Variants in SENP6 observed in about 807,000 individuals in gnomAD.
SENP6 encodes sentrin-specific protease 6.
SENP6 carries 41 observed loss-of-function variants against 134.5 expected under a neutral mutation model. The ratio of observed to expected loss-of-function variants is 0.30; its 90% CI spans 0.24 to 0.40. SENP6 has a LOEUF of 0.40. Among genes scored for constraint, SENP6 ranks in the 10% least tolerant of loss-of-function variants. The pLI is 1.00. For synonymous variants in SENP6, 395 were observed against 429.8 expected (o/e 0.92, Z 1.00); for missense variants, 1,248 against 1,312.5 (o/e 0.95, Z 0.76).
At chr6:75,711,645 A>G (rs1775751580) in intron 21 of SENP6, among the ~76,000 whole-genome samples, 1 of 152,096 alleles carries the variant, frequency 6.6e-6, no homozygotes, top group South Asian at 2.1e-4. Context: ...ACATGTCCAC[A>G]CACAAATGTT....
At chr6:75,695,350 G>A (rs1582880244) in intron 16 of SENP6, among the ~76,000 whole-genome samples, 2 of 152,098 alleles carry the variant, frequency 1.3e-5, no homozygotes, top group Admixed American at 6.6e-5. Context: ...GAAGATAATC[G>A]GATAGTTATC....
Position 75,709,558 on chromosome 6 carries a change from C to A in SENP6, c.2748C>A (p.Ser916Arg), listed in dbSNP as rs547145180. Residue 916 changes from serine (S) to arginine (R), a missense_variant, in exon 20 of 24, where the codon AGC becomes AGA. Coordinates refer to ENST00000447266, the MANE Select transcript of SENP6 (RefSeq NM_015571.4). The stretch of plus-strand genomic sequence containing the variant: ...TAAGCAAAATCAGACTAAACTATAG[C>A]GATGAATCACCTGAAGCTGGTAAAA... ...DGLSKIRLNY[S>R]DESPEAGKML... The A allele has an allele frequency of 1.2e-6, 2 of 1,613,746 alleles. No homozygotes were observed. Among genetic ancestry groups the A allele is most frequent in the East Asian group, 4.5e-5 (2 of 44,854 alleles).
At chr6:75,657,170 C>T (rs150129675) in intron 7 of SENP6, among the ~76,000 whole-genome samples, 1 of 152,070 alleles carries the variant, frequency 6.6e-6, no homozygotes, top group East Asian at 1.9e-4. Flanking sequence ...TTAGTAAGGC[C>T]AAAAAAGCTT....
At chr6:75,674,681 T>C (rs1582830125) in intron 11 of SENP6, among the ~76,000 whole-genome samples, 1 of 152,352 alleles carries the variant, frequency 6.6e-6, no homozygotes, top group East Asian at 1.9e-4. Flanking sequence ...TCCTTTCAGA[T>C]GCAATCTTTA....
chr6:75,657,775 T>C (rs1771459791), intron 7 of SENP6, among the ~76,000 whole-genome samples: 1 of 152,086 alleles, frequency 6.6e-6, no homozygotes, highest in Non-Finnish European at 1.5e-5. Context: ...TAATTGTGCC[T>C]AGAGTGGGGC....
chr6:75,692,826 C>A (rs901417521), intron 16 of SENP6, among the ~76,000 whole-genome samples: 1 of 151,588 alleles, frequency 6.6e-6, no homozygotes, highest in Non-Finnish European at 1.5e-5. Flanking sequence ...GCACTTGGGA[C>A]GCCAAGGCAA....
chr6:75,694,856 G>A (rs1194964346), intron 16 of SENP6, among the ~76,000 whole-genome samples: 1 of 151,962 alleles, frequency 6.6e-6, no homozygotes, highest in Non-Finnish European at 1.5e-5. Context: ...TTTAGAGTGT[G>A]CCCTTGGTTT....
chr6:75,610,329 TCA>T (rs1767348566), intron 1 of SENP6, among the ~76,000 whole-genome samples: 1 of 152,194 alleles, frequency 6.6e-6, no homozygotes, highest in Admixed American at 6.5e-5. Context: ...ATCCACTAAG[TCA>T]CAGACTGTTA....
intron 1 of SENP6, among the ~76,000 whole-genome samples, chr6:75,619,072 CAT>C (rs1289311776): frequency 2.0e-5 from 3 of 148,680 alleles, no homozygotes; most frequent in African/African-American, 7.5e-5. Context: ...ATATACATAA[CAT>C]ATAAGTTACT....
chr6:75,666,059 T>C (rs1229196144), intron 9 of SENP6, among the ~76,000 whole-genome samples: 7 of 141,108 alleles, frequency 5.0e-5, no homozygotes, highest in African/African-American at 1.8e-4. Context: ...ATATGATATA[T>C]AAAACGTATA....
chr6:75,663,604 A>T, intron 9 of SENP6, 86 bp downstream of exon 9: 2 of 948,378 alleles, frequency 2.1e-6, no homozygotes, highest in Non-Finnish European at 3.1e-6. Context: ...CCAACCCCAT[A>T]TATATTTTTA....
chr6:75,609,867 A>G lies in SENP6; in HGVS notation c.52+7291A>G, dbSNP rs953277696. 3.9e-5 allele frequency among the ~76,000 whole-genome samples: 6 copies of G among 152,230 alleles called. No individual in the cohort carries two copies. The East Asian group carries it at 1.2e-3, about 29-fold the overall frequency. On this transcript the variant is annotated intron_variant, in intron 1 of 23. Transcript: ENST00000447266. The stretch of plus-strand genomic sequence containing the variant: ...CCATCTCAGCTCACTGGCTGACTGC[A>G]ACCTCTGCCTTCCAGGTTCAAGCAA...
intron 2 of SENP6, among the ~76,000 whole-genome samples, chr6:75,623,388 C>T (rs968905739): frequency 1.3e-5 from 2 of 151,990 alleles, no homozygotes; most frequent in African/African-American, 4.8e-5. Context: ...GGTGATTTCT[C>T]AATGAAGGGT....
chr6:75,688,500 G>A (rs1402490965), intron 16 of SENP6, among the ~76,000 whole-genome samples: 11 of 152,130 alleles, frequency 7.2e-5, no homozygotes, highest in Non-Finnish European at 1.2e-4. Flanking sequence ...GCTGCAGACC[G>A]GAGCTATTCC....
intron 18 of SENP6, among the ~76,000 whole-genome samples, chr6:75,701,598 A>G (rs1278584953): frequency 2.0e-5 from 3 of 147,840 alleles, no homozygotes; most frequent in African/African-American, 2.5e-5. Context: ...TGAAAAAATC[A>G]TATGACCTAA....
intron 8 of SENP6, among the ~76,000 whole-genome samples, chr6:75,661,689 G>A (rs1771786554): frequency 6.6e-6 from 1 of 152,184 alleles, no homozygotes; most frequent in African/African-American, 2.4e-5. Context: ...TCCTAGACAA[G>A]GTTAGTGGTT....
rs1210762229 is a variant in SENP6, at chr6:75,638,590, GTATATATATATA to G, written c.459-2072_459-2061del. 2.3e-3 allele frequency among the ~76,000 whole-genome samples: 144 copies of G among 61,544 alleles called. 5 individuals are homozygous for G. Among genetic ancestry groups the G allele is most frequent in the Non-Finnish European group, 3.1e-3 (109 of 35,724 alleles). The allele number at this position is 61,544 out of a possible 152,430, so 40.4% of individuals were successfully genotyped here. On this transcript the variant is annotated intron_variant, in intron 5 of 23. Coordinates refer to ENST00000447266, the MANE Select transcript of SENP6 (RefSeq NM_015571.4). The stretch of plus-strand genomic sequence containing the variant: ...TGTGTGTGTGTGTGTGTGTGTGTGT[GTATATATATATA>G]TATATATATATATATATATATTTTT...
At chr6:75,695,949 A>G in intron 17 of SENP6, 26 bp downstream of exon 17, 2 of 1,565,268 alleles carry the variant, frequency 1.3e-6, no homozygotes, top group South Asian at 1.2e-5. Context: ...AAAATATTTA[A>G]CAGATGTAAG....
At position 75,685,784 on chromosome 6, in the gene SENP6, T is replaced by C. The variant is rs553611055; in HGVS notation, c.2075+6857T>C. ...ACAGTTTGTTGTGATTTCTATTCTT[T>C]TACATTTGCTGAGGAGTGCTTTACT... On this transcript the variant is annotated intron_variant, in intron 16 of 23. Coordinates refer to ENST00000447266, the MANE Select transcript of SENP6 (RefSeq NM_015571.4). Among the ~76,000 whole-genome samples the C allele has an allele frequency of 5.1e-4, 77 of 152,348 alleles. 1 individual carries two copies. The South Asian group carries it at 0.015, about 29-fold the overall frequency.
Sources: gnomAD v4.1 joint callset for allele counts (sites outside exome capture counted in the v4.1 genomes callset) on GRCh38, gnomAD v4.1.1 for gene constraint, MANE v1.5 for transcripts, NCBI Gene and HGNC (gene_info 2026-07-23, HGNC 2026-07-21) for gene names.